SPATA13: variants seen among roughly 807,000 people sequenced by gnomAD.
SPATA13 encodes the protein spermatogenesis-associated protein 13.
In SPATA13, 50 loss-of-function variants were observed where a neutral mutation model predicts 104.0. The ratio of observed to expected loss-of-function variants is 0.48; its 90% CI spans 0.38 to 0.61. The LOEUF (loss-of-function observed/expected upper bound fraction) is 0.61. Ranked by LOEUF, SPATA13 falls within the 20% of genes least tolerant of loss-of-function variation. The probability of loss-of-function intolerance (pLI) is 0.00; values close to 1 mark genes in which losing one functional copy is unlikely to be tolerated. For synonymous variants in SPATA13, 606 were observed against 667.5 expected, an observed-to-expected ratio of 0.91 and a Z score of 1.42; for missense variants, 1,524 against 1,690.6, an observed-to-expected ratio of 0.90 and a Z score of 1.73.
rs144157914 is a variant in SPATA13, at chr13:23,998,927, G to GATT, written c.-147+14994_-147+14995insATT. On this transcript the variant is annotated intron_variant, in intron 2 of 14. Transcript: ENST00000424834. Reference sequence around the variant, plus strand: ...AATTTTCCATCTTTTCACTAACTTTGGTTTTTTTTTTTTTTTGAGATGGAG... The same window carrying GATT: ...AATTTTCCATCTTTTCACTAACTTTGATTGTTTTTTTTTTTTTTTGAGATGGAG... Among the ~76,000 whole-genome samples, 449 of 145,796 alleles carry GATT rather than the reference G, an allele frequency of 3.1e-3. 17 individuals are homozygous for GATT. The highest frequency in any genetic ancestry group is 7.9e-3 in the South Asian group (37 of 4,668).
chr13:24,300,744 G>A (rs556658974), intron 12 of SPATA13, among the ~76,000 whole-genome samples: 62 of 152,270 alleles, frequency 4.1e-4, no homozygotes, highest in African/African-American at 1.4e-3. Context: ...GCCTGCCTGG[G>A]GCCCCTCTGC....
In SPATA13 at chr13:24,303,995, A is replaced by C. The variant is rs1197211624; in HGVS notation, c.*1222A>C. 6.6e-6 allele frequency: 1 copy of C among 152,276 alleles called. No individual in the cohort carries two copies. The highest frequency in any genetic ancestry group is 6.5e-5 in the Admixed American group (1 of 15,288). 9.4% of individuals were successfully genotyped at this position (152,276 alleles called of 1,614,324 possible). ...TAATATTTATGATACAGTGAATATG[A>C]AAATGCACTGGTCAGAAGGCACTCT... On this transcript the variant is annotated 3_prime_UTR_variant, in exon 13 of 13. Coordinates refer to ENST00000382108, the MANE Select transcript of SPATA13 (RefSeq NM_001166271.3).
chr13:24,187,109 G>T (rs559284141), intron 1 of SPATA13, among the ~76,000 whole-genome samples: 1 of 152,078 alleles, frequency 6.6e-6, no homozygotes, highest in Non-Finnish European at 1.5e-5. Flanking sequence ...AAGCAATGTC[G>T]TCTGTTTTCA....
At position 24,303,117 on chromosome 13, in the gene SPATA13, G is replaced by A. The variant is rs534608669; in HGVS notation, c.*344G>A. 1.0e-5 allele frequency: 4 copies of A among 388,018 alleles called. No homozygotes were observed. In the Admixed American group the frequency reaches 1.5e-4, roughly 14 times the overall value. 24.0% of individuals were successfully genotyped at this position (388,018 alleles called of 1,614,324 possible). A position where few individuals can be genotyped will look rare whatever the true frequency, so the allele number is the denominator to read the frequency against. On this transcript the variant is annotated 3_prime_UTR_variant, in exon 13 of 13. Coordinates refer to ENST00000382108, the MANE Select transcript of SPATA13 (RefSeq NM_001166271.3). ...TGATGATGAGCAAGTGCCTGCTGCA[G>A]GTCCAAACACAGCATCCAGGGCTTT...
intron 4 of SPATA13, among the ~76,000 whole-genome samples, chr13:24,269,892 A>T (rs1235928098): frequency 7.0e-6 from 1 of 143,092 alleles, no homozygotes; most frequent in Non-Finnish European, 1.5e-5. Flanking sequence ...CCCAGACCTA[A>T]TTTTTTTTTT....
chr13:24,178,059 G>A (rs1283541623), intron 1 of SPATA13, among the ~76,000 whole-genome samples: 2 of 151,394 alleles, frequency 1.3e-5, no homozygotes, highest in South Asian at 2.1e-4. Flanking sequence ...TTATCATCTT[G>A]CCCATGCTGG....
chr13:24,227,585 T>C (rs1872015631), intron 2 of SPATA13, among the ~76,000 whole-genome samples: 1 of 152,188 alleles, frequency 6.6e-6, no homozygotes, highest in Admixed American at 6.5e-5. Context: ...TTCTTTTTTT[T>C]TTATTGAGAC....
At chr13:24,022,129 A>C (rs1452103964) in intron 3 of SPATA13, among the ~76,000 whole-genome samples, 2 of 134,930 alleles carry the variant, frequency 1.5e-5, no homozygotes, top group African/African-American at 2.8e-5. Context: ...TGCAGCTTCC[A>C]CCTCCCAGAT....
intron 1 of SPATA13, among the ~76,000 whole-genome samples, chr13:24,211,254 T>C (rs1010089959): frequency 1.3e-5 from 2 of 152,222 alleles, no homozygotes; most frequent in African/African-American, 4.8e-5. Flanking sequence ...TTTCTTTCTC[T>C]TGCCCATTTG....
chr13:24,031,680 C>T (rs966582900), intron 3 of SPATA13, among the ~76,000 whole-genome samples: 11 of 152,268 alleles, frequency 7.2e-5, no homozygotes, highest in African/African-American at 2.6e-4. Flanking sequence ...ATAGCTAAGA[C>T]CTCATATGAC....
intron 1 of SPATA13, among the ~76,000 whole-genome samples, chr13:24,207,155 G>A (rs1430014862): frequency 6.6e-6 from 1 of 152,180 alleles, no homozygotes; most frequent in African/African-American, 2.4e-5. Context: ...CTTGTAAGTG[G>A]GAGCTGAATG....
At chr13:24,195,937 A>T (rs1394810060) in intron 1 of SPATA13, among the ~76,000 whole-genome samples, 1 of 152,220 alleles carries the variant, frequency 6.6e-6, no homozygotes. Flanking sequence ...AGGTACTATA[A>T]TAATTTATGT....
At chr13:24,027,612 T>C (rs4770555) in intron 3 of SPATA13, among the ~76,000 whole-genome samples, 118,263 of 151,854 alleles carry the variant, frequency 0.78, 46,679 homozygotes, top group Middle Eastern at 0.85. Flanking sequence ...CTGTTTTTTA[T>C]CTTTATGTAT....
intron 3 of SPATA13, among the ~76,000 whole-genome samples, chr13:24,084,642 A>G (rs1879661437): frequency 6.6e-6 from 1 of 152,140 alleles, no homozygotes; most frequent in Non-Finnish European, 1.5e-5. Context: ...CACAGAGCTC[A>G]CTTACCAGGT....
chr13:24,124,739 T>C (rs573601604), intron 3 of SPATA13, among the ~76,000 whole-genome samples: 22 of 152,352 alleles, frequency 1.4e-4, no homozygotes, highest in Admixed American at 1.2e-3. Flanking sequence ...CTCCAAGGTT[T>C]GTTCTTTTTT....
intron 2 of SPATA13, among the ~76,000 whole-genome samples, chr13:23,985,413 C>G (rs1824745562): frequency 6.6e-6 from 1 of 152,264 alleles, no homozygotes; most frequent in South Asian, 2.1e-4. Flanking sequence ...GGCCCAGATC[C>G]TCCCCTGCTG....
At chr13:24,198,745 G>A (rs1034512004) in intron 1 of SPATA13, among the ~76,000 whole-genome samples, 5 of 152,246 alleles carry the variant, frequency 3.3e-5, no homozygotes, top group Admixed American at 6.5e-5. Flanking sequence ...GCTATCCCAC[G>A]TGCTGCCACG....
rs77303408 is a variant in SPATA13 at position 24,066,471 on chromosome 13, C to T, written c.-112+48770C>T. ...TCTTTTCCCAGCTTCAAGCCTAGGA[C>T]TCTTGCCATGGTAGACCAGCTGCCA... On this transcript the variant is annotated intron_variant, in intron 3 of 14. Transcript: ENST00000424834. 2.9e-3 allele frequency among the ~76,000 whole-genome samples: 435 copies of T among 152,326 alleles called. 14 individuals carry two copies. In the East Asian group the frequency reaches 0.062, roughly 22 times the overall value.
chr13:24,192,051 A>T (rs1300851891), intron 1 of SPATA13, among the ~76,000 whole-genome samples: 2 of 152,146 alleles, frequency 1.3e-5, no homozygotes, highest in East Asian at 3.9e-4. Context: ...CACCTCACCC[A>T]GGCCACCACA....
Sources: allele counts gnomAD v4.1 joint callset (sites outside exome capture counted in the v4.1 genomes callset), GRCh38; gene constraint gnomAD v4.1.1; transcripts MANE v1.5; gene names NCBI Gene and HGNC (gene_info 2026-07-23, HGNC 2026-07-21).